Variants in KCNMA1 observed in about 807,000 individuals in gnomAD.
KCNMA1 encodes the protein potassium calcium-activated channel subfamily M alpha 1.
A neutral mutation model predicts 140.0 loss-of-function variants in KCNMA1; 29 were observed. The observed-to-expected ratio is 0.21, with a 90% CI of 0.15 to 0.28. The LOEUF is 0.28. Ranked by LOEUF, KCNMA1 falls within the 10% of genes least tolerant of loss-of-function variation. KCNMA1 has a pLI of 1.00. For synonymous variants in KCNMA1, 612 were observed against 611.9 expected, an observed-to-expected ratio of 1.00 and a Z score of 0.00; for missense variants, 880 against 1,602.2, an observed-to-expected ratio of 0.55 and a Z score of 7.70.
intron 14 of KCNMA1, among the ~76,000 whole-genome samples, chr10:77,070,699 T>C (rs2096167876): frequency 6.6e-6 from 1 of 151,704 alleles, no homozygotes; most frequent in Non-Finnish European, 1.5e-5. Context: ...CCAACAAAAG[T>C]AAGTGAGGGC....
At chr10:77,215,400 A>AT (rs908161909) in intron 3 of KCNMA1, among the ~76,000 whole-genome samples, 1 of 87,254 alleles carries the variant, frequency 1.1e-5, no homozygotes, top group African/African-American at 3.9e-5. Context: ...TCTGTCTTTT[A>AT]TTTTTGCTTT....
intron 1 of KCNMA1, among the ~76,000 whole-genome samples, chr10:77,571,229 C>T (rs769459643): frequency 1.3e-5 from 2 of 152,172 alleles, no homozygotes; most frequent in Non-Finnish European, 2.9e-5. Context: ...TGCTGACTTT[C>T]ACTCGTGGTG....
intron 19 of KCNMA1, among the ~76,000 whole-genome samples, chr10:76,991,395 A>G (rs1212187300): frequency 1.3e-5 from 2 of 152,242 alleles, no homozygotes; most frequent in Non-Finnish European, 2.9e-5. Context: ...CTTCACAAAG[A>G]ATATCAATTG....
chr10:77,284,658 C>T (rs1232234065), intron 2 of KCNMA1, among the ~76,000 whole-genome samples: 1 of 152,046 alleles, frequency 6.6e-6, no homozygotes, highest in Non-Finnish European at 1.5e-5. Flanking sequence ...GGATTACAGG[C>T]ACATGGCATC....
chr10:76,913,019 G>A (rs2050998818), intron 24 of KCNMA1: 1 of 152,166 alleles, frequency 6.6e-6, no homozygotes, highest in African/African-American at 2.4e-5. Flanking sequence ...CTACAATAAT[G>A]CACTGCTGAG....
chr10:77,550,740 G>A (rs894418109), intron 1 of KCNMA1, among the ~76,000 whole-genome samples: 2 of 152,228 alleles, frequency 1.3e-5, no homozygotes, highest in Admixed American at 1.3e-4. Context: ...AAGGTAGGAT[G>A]TTGACATAAT....
At chr10:77,306,506 A>G (rs2077768833) in intron 2 of KCNMA1, among the ~76,000 whole-genome samples, 1 of 152,232 alleles carries the variant, frequency 6.6e-6, no homozygotes. Context: ...CCACATGAGT[A>G]TCAAATAAAG....
intron 2 of KCNMA1, among the ~76,000 whole-genome samples, chr10:77,281,892 C>T (rs1342075650): frequency 6.6e-6 from 1 of 152,184 alleles, no homozygotes; most frequent in Admixed American, 6.5e-5. Flanking sequence ...TGGTTTCCTA[C>T]AGCTGCGGTG....
intron 23 of KCNMA1, among the ~76,000 whole-genome samples, chr10:76,919,906 A>G (rs2054616272): frequency 6.6e-6 from 1 of 150,922 alleles, no homozygotes; most frequent in Non-Finnish European, 1.5e-5. Flanking sequence ...AGAACTGAAG[A>G]AGTATTTAGT....
At chr10:76,974,355 A>G (rs1213505647) in intron 19 of KCNMA1, 2 of 512,052 alleles carry the variant, frequency 3.9e-6, no homozygotes, top group African/African-American at 4.0e-5. Flanking sequence ...TTGCTGCCCA[A>G]CAAGCTAAGT....
At chr10:76,910,237 T>C in intron 24 of KCNMA1, 141 bp from the exon 25 acceptor site, 8 of 901,668 alleles carry the variant, frequency 8.9e-6, no homozygotes, top group Non-Finnish European at 1.4e-5. Flanking sequence ...AGATGGATCT[T>C]TGGGTAAGGG....
chr10:77,151,475 C>A (rs1034855330), intron 5 of KCNMA1, among the ~76,000 whole-genome samples: 1 of 152,080 alleles, frequency 6.6e-6, no homozygotes, highest in African/African-American at 2.4e-5. Context: ...ATCTGCCCCC[C>A]CTTGCCCTTC....
At chr10:77,413,033 T>C (rs992146018) in intron 1 of KCNMA1, among the ~76,000 whole-genome samples, 6 of 152,156 alleles carry the variant, frequency 3.9e-5, no homozygotes, top group Non-Finnish European at 8.8e-5. Context: ...AATTTTTGTA[T>C]TTTTAGTACA....
intron 9 of KCNMA1, among the ~76,000 whole-genome samples, chr10:77,107,403 G>A (rs1056339487): frequency 6.6e-6 from 1 of 152,174 alleles, no homozygotes. Context: ...ATATGTTAAA[G>A]ATGTGTACAT....
Position 77,225,618 on chromosome 10 carries a change from C to T in KCNMA1, c.602+25577G>A, listed in dbSNP as rs1315437269. Among the ~76,000 whole-genome samples, 4 of 152,180 alleles carry T rather than the reference C, an allele frequency of 2.6e-5. No individual in the cohort carries two copies. In the East Asian group the frequency reaches 7.7e-4, roughly 29 times the overall value. Reference sequence around the variant, plus strand: ...TCTCTCTGAACCACACGGCAGGAAGCATGGGAAACTCCTGCGGCTGTCGTA... The same window carrying T: ...TCTCTCTGAACCACACGGCAGGAAGTATGGGAAACTCCTGCGGCTGTCGTA... On this transcript the variant is annotated intron_variant, in intron 3 of 27. Coordinates refer to ENST00000286628, the MANE Select transcript of KCNMA1 (RefSeq NM_001161352.2).
At chr10:77,260,582 A>G (rs1313528610) in intron 2 of KCNMA1, among the ~76,000 whole-genome samples, 3 of 152,024 alleles carry the variant, frequency 2.0e-5, no homozygotes, top group Non-Finnish European at 4.4e-5. Context: ...GGTGCTGTGC[A>G]CCTCTATTCC....
chr10:77,285,069 A>C (rs2070271197), intron 2 of KCNMA1, among the ~76,000 whole-genome samples: 1 of 152,252 alleles, frequency 6.6e-6, no homozygotes, highest in Non-Finnish European at 1.5e-5. Flanking sequence ...AAATGAGTTA[A>C]TTATGTTCTT....
At chr10:77,512,630 A>T (rs191704140) in intron 1 of KCNMA1, among the ~76,000 whole-genome samples, 1 of 152,296 alleles carries the variant, frequency 6.6e-6, no homozygotes, top group African/African-American at 2.4e-5. Flanking sequence ...TAAAGAAGTA[A>T]TTAAGTTAAA....
At chr10:77,343,192 A>G (rs1172266430) in intron 2 of KCNMA1, among the ~76,000 whole-genome samples, 1 of 152,152 alleles carries the variant, frequency 6.6e-6, no homozygotes, top group East Asian at 1.9e-4. Flanking sequence ...GAGAGAGGAC[A>G]GGCCCTTTGC....
Sources: allele counts gnomAD v4.1 joint callset (sites outside exome capture counted in the v4.1 genomes callset), GRCh38; gene constraint gnomAD v4.1.1; transcripts MANE v1.5; gene names NCBI Gene and HGNC (gene_info 2026-07-23, HGNC 2026-07-21).